SYN3: variants seen among roughly 807,000 people sequenced by gnomAD.
SYN3 encodes the protein synapsin-3.
In SYN3, 35 loss-of-function variants were observed where a neutral mutation model predicts 65.8. That is an observed-to-expected ratio of 0.53 (90% CI 0.41 to 0.70). The LOEUF (loss-of-function observed/expected upper bound fraction) is 0.70, where lower values mean the gene tolerates loss of function less well. SYN3 is among the 30% of genes least tolerant of loss of function. The pLI is 0.00. For synonymous variants in SYN3, 270 were observed against 292.9 expected, an observed-to-expected ratio of 0.92 and a Z score of 0.80; for missense variants, 680 against 749.0, an observed-to-expected ratio of 0.91 and a Z score of 1.08.
At chr22:32,521,931 A>G (rs1365243139) in intron 12 of SYN3, among the ~76,000 whole-genome samples, 1 of 152,228 alleles carries the variant, frequency 6.6e-6, no homozygotes, top group African/African-American at 2.4e-5. Flanking sequence ...TCCCTATCAT[A>G]TACCTGGGAT....
intron 6 of SYN3, among the ~76,000 whole-genome samples, chr22:32,818,630 C>G (rs2047150239): frequency 6.6e-6 from 1 of 152,168 alleles, no homozygotes; most frequent in African/African-American, 2.4e-5. Flanking sequence ...CCCATTTGCT[C>G]CCAGGGCTGG....
At chr22:32,706,071 C>G (rs1486521705) in intron 6 of SYN3, among the ~76,000 whole-genome samples, 1 of 152,130 alleles carries the variant, frequency 6.6e-6, no homozygotes, top group Non-Finnish European at 1.5e-5. Flanking sequence ...TTGCCTGACT[C>G]TCTTGGCCAA....
chr22:32,910,133 C>T (rs535689669), intron 4 of SYN3, among the ~76,000 whole-genome samples: 14 of 152,194 alleles, frequency 9.2e-5, no homozygotes, highest in South Asian at 2.1e-4. Context: ...TCACTGAGCA[C>T]GCTACTTGCC....
intron 6 of SYN3, among the ~76,000 whole-genome samples, chr22:32,698,886 TGGA>T (rs2060773923): frequency 6.6e-6 from 1 of 152,114 alleles, no homozygotes; most frequent in African/African-American, 2.4e-5. Flanking sequence ...TGGCATGAGA[TGGA>T]GGAGGGTAGA....
At chr22:32,739,175 G>GC (rs1025887120) in intron 6 of SYN3, among the ~76,000 whole-genome samples, 26 of 87,804 alleles carry the variant, frequency 3.0e-4, no homozygotes, top group African/African-American at 8.1e-4. Flanking sequence ...TTGAATCACA[G>GC]GGGGGGGGCG....
At chr22:32,812,272 G>A (rs965132109) in intron 6 of SYN3, among the ~76,000 whole-genome samples, 1 of 152,174 alleles carries the variant, frequency 6.6e-6, no homozygotes, top group Non-Finnish European at 1.5e-5. Flanking sequence ...AGGTAACTTT[G>A]TTAGAAATAT....
chr22:33,034,369 C>T (rs1287914841), intron 1 of SYN3, among the ~76,000 whole-genome samples: 4 of 151,820 alleles, frequency 2.6e-5, no homozygotes, highest in African/African-American at 7.2e-5. Context: ...ACCTCAGCCT[C>T]CCGAGTAGGT....
intron 2 of SYN3, among the ~76,000 whole-genome samples, chr22:33,006,140 T>C (rs1378641138): frequency 6.6e-6 from 1 of 152,164 alleles, no homozygotes; most frequent in African/African-American, 2.4e-5. Context: ...CCTGTAAATA[T>C]AAAGCCCTTA....
At chr22:32,744,203 GT>G (rs1350098544) in intron 6 of SYN3, among the ~76,000 whole-genome samples, 2 of 152,088 alleles carry the variant, frequency 1.3e-5, no homozygotes, top group African/African-American at 4.8e-5. Context: ...TTTACCAGAA[GT>G]TTAAGCAAAT....
intron 4 of SYN3, among the ~76,000 whole-genome samples, chr22:32,879,136 A>C (rs554981959): frequency 6.6e-6 from 1 of 152,270 alleles, no homozygotes; most frequent in South Asian, 2.1e-4. Context: ...GCAATCTCTA[A>C]GTGTCTAGAA....
chr22:32,738,943 A>G (rs1272061603), intron 6 of SYN3, among the ~76,000 whole-genome samples: 1 of 152,246 alleles, frequency 6.6e-6, no homozygotes, highest in Non-Finnish European at 1.5e-5. Context: ...TATAAGCTGA[A>G]TATTCCAGCC....
intron 6 of SYN3, among the ~76,000 whole-genome samples, chr22:32,687,608 A>C (rs1601915084): frequency 6.6e-6 from 1 of 152,276 alleles, no homozygotes; most frequent in Non-Finnish European, 1.5e-5. Flanking sequence ...CTTCTGCTTA[A>C]AACTTTGGTT....
chr22:32,569,555 CTCTCTCTCTCTCTCTCTATATA>C (rs1386351974), intron 7 of SYN3, among the ~76,000 whole-genome samples: 7 of 109,704 alleles, frequency 6.4e-5, no homozygotes, highest in Admixed American at 1.8e-4. Flanking sequence ...CTCTCTCTCT[CTCTCTCTCTCTCTCTCTATATA>C]TATATATATA....
chr22:32,908,466 C>T (rs1306389039), intron 4 of SYN3, among the ~76,000 whole-genome samples: 2 of 148,232 alleles, frequency 1.3e-5, no homozygotes, highest in Non-Finnish European at 3.0e-5. Flanking sequence ...TCATAGCTCA[C>T]TGCAACCTTT....
chr22:32,838,247 G>C (rs1464204633), intron 6 of SYN3, among the ~76,000 whole-genome samples: 1 of 152,138 alleles, frequency 6.6e-6, no homozygotes, highest in African/African-American at 2.4e-5. Flanking sequence ...AAGTGGACTT[G>C]AGGAGAAGGA....
intron 1 of SYN3, among the ~76,000 whole-genome samples, chr22:33,019,729 C>T (rs1365181404): frequency 6.6e-6 from 1 of 152,148 alleles, no homozygotes; most frequent in Non-Finnish European, 1.5e-5. Context: ...ACTGCATCCT[C>T]CCGCCTCAGC....
At position 32,886,584 on chromosome 22, in the gene SYN3, G is replaced by C. The variant is rs767032430; in HGVS notation, c.462-17459C>G. Among the ~76,000 whole-genome samples the C allele has an allele frequency of 1.2e-4, 19 of 152,318 alleles. No homozygotes were observed. In the South Asian group the frequency reaches 2.7e-3, roughly 22 times the overall value. ...AATGCACCCATTTGAAACGTAGTTTGATTTGCTTCGACATATGTAACACTA... is the reference window on the plus strand; with the variant it reads ...AATGCACCCATTTGAAACGTAGTTTCATTTGCTTCGACATATGTAACACTA... On this transcript the variant is annotated intron_variant, in intron 4 of 13. Transcript: ENST00000358763.
intron 6 of SYN3, among the ~76,000 whole-genome samples, chr22:32,841,496 T>C (rs934639553): frequency 4.6e-5 from 7 of 152,150 alleles, no homozygotes; most frequent in Non-Finnish European, 1.0e-4. Context: ...TACAATTTCC[T>C]GAGATTAAGA....
intron 4 of SYN3, among the ~76,000 whole-genome samples, chr22:32,881,942 G>C (rs56899031): frequency 1.3e-5 from 2 of 152,042 alleles, no homozygotes; most frequent in African/African-American, 4.8e-5. Context: ...TGTAGTCCCA[G>C]CTATTCGGAG....
Sources: allele counts gnomAD v4.1 joint callset (sites outside exome capture counted in the v4.1 genomes callset), GRCh38; gene constraint gnomAD v4.1.1; transcripts MANE v1.5; gene names NCBI Gene and HGNC (gene_info 2026-07-23, HGNC 2026-07-21).